Variants in APCDD1L observed in about 807,000 individuals in gnomAD.
The protein encoded by APCDD1L is protein APCDD1-like.
In APCDD1L, 21 loss-of-function variants were observed where a neutral mutation model predicts 24.2. That is an observed-to-expected ratio of 0.87 (90% CI 0.61 to 1.25). The LOEUF (loss-of-function observed/expected upper bound fraction) is 1.25. APCDD1L is among the 50% of genes most tolerant of loss of function. APCDD1L has a pLI of 0.00. For synonymous variants in APCDD1L, 321 were observed against 323.6 expected (o/e 0.99, Z 0.09); for missense variants, 704 against 711.7 (o/e 0.99, Z 0.12).
In APCDD1L at chr20:58,514,406, G is replaced by A. The variant is rs534055941; in HGVS notation, c.49+253C>T. On this transcript the variant is annotated intron_variant, in intron 1 of 3. Transcript: ENST00000371149. ...TCTGGGTACCTACAGGCCAGGCCCC[G>A]ACTGGCGCAGAGAGTGCAGCGGCTC... Among the ~76,000 whole-genome samples, 54 of 152,306 alleles carry A rather than the reference G, an allele frequency of 3.5e-4. 2 individuals carry two copies. Among genetic ancestry groups the A allele is most frequent in the African/African-American group, 1.3e-3 (53 of 41,578 alleles).
chr20:58,464,396 G>A (rs553055193), intron 3 of APCDD1L, among the ~76,000 whole-genome samples: 106 of 152,318 alleles, frequency 7.0e-4, no homozygotes, highest in African/African-American at 2.4e-3. Flanking sequence ...ATTTCCTTCT[G>A]TGGTGCTTTT....
At chr20:58,474,862 C>G (rs1989877770) in intron 1 of APCDD1L, among the ~76,000 whole-genome samples, 1 of 152,168 alleles carries the variant, frequency 6.6e-6, no homozygotes, top group South Asian at 2.1e-4. Context: ...GGACCCTGTG[C>G]CCATCAGCAG....
intron 1 of APCDD1L, among the ~76,000 whole-genome samples, chr20:58,476,640 A>G (rs1019809852): frequency 6.6e-6 from 1 of 152,220 alleles, no homozygotes; most frequent in Non-Finnish European, 1.5e-5. Flanking sequence ...AAACCATCCC[A>G]AGTGTCTTGA....
Position 58,467,069 on chromosome 20 carries a change from C to T in APCDD1L, c.741+37G>A. On this transcript the variant is annotated intron_variant, in intron 3 of 3. Transcript: ENST00000371149. The surrounding 1 kb of genome is among the most constrained non-coding windows in gnomAD (Gnocchi z 5.9). The stretch of plus-strand genomic sequence containing the variant: ...TTCCGAGCTCGCCTCCCCGAGACCA[C>T]CACCCCCCTCTCCCACACCCCAACA... The T allele has an allele frequency of 6.4e-7, 1 of 1,555,342 alleles. No homozygotes were observed.
chr20:58,505,777 T>C (rs891805804), intron 1 of APCDD1L, among the ~76,000 whole-genome samples: 4 of 152,104 alleles, frequency 2.6e-5, no homozygotes, highest in African/African-American at 9.7e-5. Flanking sequence ...GTGTAACTAA[T>C]TAAAATGAGG....
intron 1 of APCDD1L, 146 bp downstream of exon 1, chr20:58,514,511 CTG>C (rs1990700644): frequency 2.4e-6 from 2 of 824,110 alleles, no homozygotes; most frequent in Admixed American, 4.3e-5. Context: ...CCAGGTGAGA[CTG>C]GAGAAAGGCG....
At chr20:58,485,355 T>G (rs1035771711) in intron 1 of APCDD1L, among the ~76,000 whole-genome samples, 6 of 152,260 alleles carry the variant, frequency 3.9e-5, no homozygotes, top group Non-Finnish European at 7.3e-5. Flanking sequence ...CAAGAGTGCC[T>G]GTGTCCTTAG....
intron 1 of APCDD1L, among the ~76,000 whole-genome samples, chr20:58,506,145 G>A (rs560556307): frequency 1.3e-4 from 19 of 151,118 alleles, no homozygotes; most frequent in Non-Finnish European, 2.4e-4. Flanking sequence ...ACCTAGTACC[G>A]TCCTAGCCAC....
At chr20:58,466,125 C>CA (rs35123325) in intron 3 of APCDD1L, among the ~76,000 whole-genome samples, 1,519 of 120,400 alleles carry the variant, frequency 0.013, 56 homozygotes, top group African/African-American at 0.036. Context: ...GCTCATCTGG[C>CA]AAAAAAAAAA....
rs554015367 is a variant in APCDD1L, at chr20:58,509,405, A to G, written c.49+5254T>C. ...TGCCTGTCCAAGTTTCCAGTTTGCA[A>G]ATGAGTCTTAGCTATACCCCTGCCT... is the stretch of plus-strand genomic sequence containing the variant. On this transcript the variant is annotated intron_variant, in intron 1 of 3. Transcript: ENST00000371149. Among the ~76,000 whole-genome samples the G allele has an allele frequency of 2.0e-5, 3 of 152,222 alleles. No individual in the cohort carries two copies. In the East Asian group the frequency reaches 5.8e-4, roughly 29 times the overall value.
Position 58,460,720 on chromosome 20 carries a change from C to CCTGGGA in APCDD1L, c.*69_*70insTCCCAG. The CCTGGGA allele has an allele frequency of 5.4e-6, 8 of 1,469,538 alleles. No homozygotes were observed. In the South Asian group the frequency reaches 1.2e-4, roughly 21 times the overall value. The allele number at this position is 1,469,538 out of a possible 1,614,324, so 91.0% of individuals were successfully genotyped here. A position where few individuals can be genotyped will look rare whatever the true frequency, so the allele number is the denominator to read the frequency against. On this transcript the variant is annotated 3_prime_UTR_variant, in exon 4 of 4. Coordinates refer to ENST00000371149, the MANE Select transcript of APCDD1L (RefSeq NM_153360.3). This position sits in a 1 kb window ranked among gnomAD's most constrained non-coding sequence, Gnocchi z 4.2. Reference sequence around the variant, plus strand: ...GCAGAGGAGAATGGTTCCTTCCCTACAGCTGCCAGGAGGGAGTCTGAAGGG... The same window carrying CCTGGGA: ...GCAGAGGAGAATGGTTCCTTCCCTACCTGGGAAGCTGCCAGGAGGGAGTCTGAAGGG...
At chr20:58,480,194 C>A (rs540527993) in intron 1 of APCDD1L, among the ~76,000 whole-genome samples, 66 of 152,146 alleles carry the variant, frequency 4.3e-4, no homozygotes, top group Non-Finnish European at 8.1e-4. Flanking sequence ...TTGGGAAACA[C>A]AGAAATTATA....
At chr20:58,481,867 G>T (rs1358395647) in intron 1 of APCDD1L, among the ~76,000 whole-genome samples, 2 of 152,160 alleles carry the variant, frequency 1.3e-5, no homozygotes, top group Non-Finnish European at 2.9e-5. Context: ...CTTTCCACTC[G>T]CGCAGAGAAC....
intron 1 of APCDD1L, among the ~76,000 whole-genome samples, chr20:58,488,731 C>T (rs559078723): frequency 5.3e-5 from 8 of 151,988 alleles, no homozygotes; most frequent in Non-Finnish European, 7.4e-5. Flanking sequence ...ATCAATACTT[C>T]GAGGTAAACC....
At chr20:58,502,427 A>G (rs11698799) in intron 1 of APCDD1L, among the ~76,000 whole-genome samples, 11,473 of 152,166 alleles carry the variant, frequency 0.075, 543 homozygotes, top group East Asian at 0.2. Flanking sequence ...TCTAATCTGT[A>G]TGTCCTACCT....
At chr20:58,482,069 G>A (rs534775519) in intron 1 of APCDD1L, among the ~76,000 whole-genome samples, 1 of 152,316 alleles carries the variant, frequency 6.6e-6, no homozygotes, top group Non-Finnish European at 1.5e-5. Context: ...GGGCCTTTGG[G>A]TCAGCTGCGA....
intron 1 of APCDD1L, among the ~76,000 whole-genome samples, chr20:58,503,922 T>TGCTTA (rs1397798453): frequency 6.6e-6 from 1 of 152,230 alleles, no homozygotes; most frequent in African/African-American, 2.4e-5. Flanking sequence ...GGGCAGAATG[T>TGCTTA]GCTTAGCTTC....
At chr20:58,462,616 G>C (rs138805090) in intron 3 of APCDD1L, among the ~76,000 whole-genome samples, 1 of 152,112 alleles carries the variant, frequency 6.6e-6, no homozygotes, top group South Asian at 2.1e-4. Context: ...GGCTGAGGTG[G>C]GCAGATCACT....
chr20:58,470,746 GGCT>G lies in APCDD1L; in HGVS notation c.50-2_50del, dbSNP rs1190714822. The G allele has an allele frequency of 3.3e-6, 5 of 1,535,568 alleles. No individual in the cohort carries two copies. In the Admixed American group the frequency reaches 9.8e-5, roughly 30 times the overall value. ...CCTCCCCAGCCGCCGGTGCAGTGTGGGCTGCAAAGCAGACAGACCTGGGTAAGA... is the reference window on the plus strand; with the variant it reads ...CCTCCCCAGCCGCCGGTGCAGTGTGGGCAAAGCAGACAGACCTGGGTAAGA... On this transcript the variant is annotated splice_acceptor_variant and coding_sequence_variant, in exon 2 of 4. Coordinates refer to ENST00000371149, the MANE Select transcript of APCDD1L (RefSeq NM_153360.3). LOFTEE classifies it high-confidence loss of function.
Sources: gnomAD v4.1 joint callset for allele counts (sites outside exome capture counted in the v4.1 genomes callset) on GRCh38, gnomAD v4.1.1 for gene constraint, Gnocchi (gnomAD v3.1) non-coding constraint, MANE v1.5 for transcripts, NCBI Gene and HGNC (gene_info 2026-07-23, HGNC 2026-07-21) for gene names.